The following CLTCL1 variants were observed in gnomAD, a reference collection of about 807,000 sequenced individuals.
CLTCL1 encodes clathrin heavy chain 2.
In CLTCL1, 159 loss-of-function variants were observed where a neutral mutation model predicts 190.0. The observed-to-expected ratio is 0.84, with a 90% CI of 0.74 to 0.95. CLTCL1 has a LOEUF of 0.95. Among genes scored for constraint, CLTCL1 ranks in the 40% least tolerant of loss-of-function variants. The pLI is 0.00. For synonymous variants in CLTCL1, 752 were observed against 769.6 expected (o/e 0.98, Z 0.38); for missense variants, 1,878 against 2,033.4 (o/e 0.92, Z 1.47).
chr22:19,267,867 G>T (rs2087171032), intron 2 of CLTCL1, among the ~76,000 whole-genome samples: 2 of 151,244 alleles, frequency 1.3e-5, no homozygotes, highest in Admixed American at 6.6e-5. Flanking sequence ...TGCACTCCAG[G>T]CTGGGTGAGA....
intron 18 of CLTCL1, among the ~76,000 whole-genome samples, chr22:19,217,873 G>C (rs1555950428): frequency 6.7e-6 from 1 of 148,868 alleles, no homozygotes; most frequent in East Asian, 2.0e-4. Flanking sequence ...AAAAAAGAAA[G>C]AAAGAAAACC....
intron 2 of CLTCL1, among the ~76,000 whole-genome samples, chr22:19,274,615 C>T (rs2087433405): frequency 6.6e-6 from 1 of 152,002 alleles, no homozygotes; most frequent in Non-Finnish European, 1.5e-5. Flanking sequence ...GTCCTTCTAC[C>T]TACTGAAATG....
At chr22:19,232,375 G>A in intron 10 of CLTCL1, 101 bp downstream of exon 10, 1 of 1,506,148 alleles carries the variant, frequency 6.6e-7, no homozygotes, top group Non-Finnish European at 9.1e-7. Context: ...AATAGCAGAT[G>A]AAGAAAAGCA....
chr22:19,288,400 C>T (rs2087986259), intron 1 of CLTCL1, among the ~76,000 whole-genome samples: 1 of 152,152 alleles, frequency 6.6e-6, no homozygotes, highest in African/African-American at 2.4e-5. Flanking sequence ...CTCTGGGGGT[C>T]TTAGAACATA....
intron 19 of CLTCL1, among the ~76,000 whole-genome samples, chr22:19,210,856 T>A (rs1555946341): frequency 6.6e-6 from 1 of 152,168 alleles, no homozygotes; most frequent in Admixed American, 6.5e-5. Flanking sequence ...CTTTATCACA[T>A]CTACTGTATT....
chr22:19,190,596 C>CAAAAAAAAAAAAAGAAA (rs2084460896), intron 27 of CLTCL1, among the ~76,000 whole-genome samples: 1 of 72,816 alleles, frequency 1.4e-5, no homozygotes, highest in Non-Finnish European at 2.5e-5. Context: ...AAGACTGTCT[C>CAAAAAAAAAAAAAGAAA]AAAAAAAAAA....
At chr22:19,249,514 G>A (rs1490364605) in intron 3 of CLTCL1, among the ~76,000 whole-genome samples, 1 of 151,872 alleles carries the variant, frequency 6.6e-6, no homozygotes, top group Non-Finnish European at 1.5e-5. Flanking sequence ...CCAACACGGT[G>A]AAACCCTGTC....
chr22:19,218,565 T>G (rs1345937821), intron 18 of CLTCL1, among the ~76,000 whole-genome samples: 8 of 152,204 alleles, frequency 5.3e-5, no homozygotes, highest in African/African-American at 1.9e-4. Context: ...GTCCAGCAGG[T>G]TGGCAATGTG....
chr22:19,192,776 G>A (rs184786149), intron 26 of CLTCL1, among the ~76,000 whole-genome samples: 26 of 152,252 alleles, frequency 1.7e-4, no homozygotes, highest in African/African-American at 5.3e-4. Flanking sequence ...CCTAGTACCC[G>A]CCACCATGGA....
At chr22:19,229,466 C>A (rs1160147507) in intron 11 of CLTCL1, among the ~76,000 whole-genome samples, 1 of 152,108 alleles carries the variant, frequency 6.6e-6, no homozygotes, top group Non-Finnish European at 1.5e-5. Context: ...TACATAGTTA[C>A]TCTGGGATAA....
chr22:19,262,810 C>T (rs1555976196), intron 2 of CLTCL1, among the ~76,000 whole-genome samples: 1 of 151,940 alleles, frequency 6.6e-6, no homozygotes, highest in Non-Finnish European at 1.5e-5. Context: ...GCCGGCAGAT[C>T]ACTTGAGGTC....
chr22:19,210,347 A>T lies in CLTCL1; in HGVS notation c.3228T>A (p.Asp1076Glu). 1 of 1,613,988 alleles carries T rather than the reference A, an allele frequency of 6.2e-7. No individual in the cohort carries two copies. Among genetic ancestry groups the T allele is most frequent in the South Asian group, 1.1e-5 (1 of 91,088 alleles). ...CCACCTGGATTGCTGAGGCATTCAT[A>T]TCAAACTTGTGGAAAACGGTGAAGG... ...EEAFTVFHKF[D>E]MNASAIQVLI... Residue 1076 changes from aspartate to glutamate, a missense_variant, in exon 20 of 33, where the codon GAT becomes GAA. Physicochemically the swap from Asp to Glu is conservative, Grantham distance 45 (BLOSUM62 2). Coordinates refer to ENST00000427926, the MANE Select transcript of CLTCL1 (RefSeq NM_007098.4).
chr22:19,284,490 A>G (rs1283255744), intron 1 of CLTCL1, among the ~76,000 whole-genome samples: 1 of 151,902 alleles, frequency 6.6e-6, no homozygotes, highest in East Asian at 1.9e-4. Flanking sequence ...ATGAAACCCC[A>G]TCTCTATAAA....
At position 19,225,436 on chromosome 22, in the gene CLTCL1, G is replaced by C. The variant is rs5748055; in HGVS notation, c.2128+17C>G. On this transcript the variant is annotated intron_variant, in intron 13 of 32. Transcript: ENST00000427926. Reference sequence around the variant, plus strand: ...TGTAGTCACATGGTGGGGTCGGCGAGAGGCTGCATGGTTTACCTTTGTAAC... The same window carrying C: ...TGTAGTCACATGGTGGGGTCGGCGACAGGCTGCATGGTTTACCTTTGTAAC... 14,251 of 1,554,000 alleles carry C rather than the reference G, an allele frequency of 9.2e-3. 179 individuals carry two copies. The highest frequency in any genetic ancestry group is 0.046 in the South Asian group (3,884 of 84,816).
intron 1 of CLTCL1, among the ~76,000 whole-genome samples, chr22:19,289,918 C>T (rs1213541689): frequency 6.6e-6 from 1 of 152,200 alleles, no homozygotes; most frequent in African/African-American, 2.4e-5. Flanking sequence ...ATTTAAGGAA[C>T]AGGCTGAAGT....
At chr22:19,185,582 T>G (rs1284985691) in intron 29 of CLTCL1, among the ~76,000 whole-genome samples, 1 of 152,122 alleles carries the variant, frequency 6.6e-6, no homozygotes, top group East Asian at 1.9e-4. Context: ...CGCCTCGGCC[T>G]CCCAAAGTGC....
chr22:19,204,892 T>C (rs950298435), intron 22 of CLTCL1, among the ~76,000 whole-genome samples: 4 of 151,984 alleles, frequency 2.6e-5, no homozygotes, highest in East Asian at 1.9e-4. Flanking sequence ...ACTATGAACA[T>C]AGGTAAAGAG....
At chr22:19,285,987 T>C (rs1222818975) in intron 1 of CLTCL1, among the ~76,000 whole-genome samples, 9 of 152,162 alleles carry the variant, frequency 5.9e-5, no homozygotes, top group South Asian at 4.1e-4. Context: ...TCGTTTATAG[T>C]GGTTTCCCCT....
At position 19,222,107 on chromosome 22, in the gene CLTCL1, G is replaced by A. The variant is rs1555952918; in HGVS notation, c.2419-14C>T. Reference sequence around the variant, plus strand: ...GCTAGGGTTGACCTAGGGTAGTCAAGGTCAAGTAACTTCAGTGTTGCAAAC... The same window carrying A: ...GCTAGGGTTGACCTAGGGTAGTCAAAGTCAAGTAACTTCAGTGTTGCAAAC... On this transcript the variant is annotated splice_polypyrimidine_tract_variant and intron_variant, in intron 15 of 32. Transcript: ENST00000427926. 5 of 1,612,584 alleles carry A rather than the reference G, an allele frequency of 3.1e-6. No homozygotes were observed. Among genetic ancestry groups the A allele is most frequent in the South Asian group, 2.2e-5 (2 of 90,810 alleles).
Sources: gnomAD v4.1 joint callset for allele counts (sites outside exome capture counted in the v4.1 genomes callset) on GRCh38, gnomAD v4.1.1 for gene constraint, MANE v1.5 for transcripts, NCBI Gene and HGNC (gene_info 2026-07-23, HGNC 2026-07-21) for gene names.